SLC24A3: variants seen among roughly 807,000 people sequenced by gnomAD.
SLC24A3 encodes sodium/potassium/calcium exchanger 3.
In SLC24A3, 28 loss-of-function variants were observed where a neutral mutation model predicts 75.8. The observed-to-expected ratio is 0.37, with a 90% CI of 0.27 to 0.51. The LOEUF (loss-of-function observed/expected upper bound fraction) is 0.51, where lower values mean the gene tolerates loss of function less well. SLC24A3 is among the 20% of genes least tolerant of loss of function. The pLI, the probability that SLC24A3 is intolerant of heterozygous loss-of-function variation, is 0.94. For missense variants in SLC24A3, 663 were observed against 847.8 expected, an observed-to-expected ratio of 0.78 and a Z score of 2.71; for synonymous variants, 372 against 334.1, an observed-to-expected ratio of 1.11 and a Z score of -1.24.
intron 6 of SLC24A3, among the ~76,000 whole-genome samples, chr20:19,595,819 T>C (rs1034884596): frequency 1.3e-5 from 2 of 152,024 alleles, no homozygotes; most frequent in Non-Finnish European, 2.9e-5. Context: ...GTGGAGAAGG[T>C]GGAGGAACAG....
At chr20:19,343,881 C>T (rs541632590) in intron 2 of SLC24A3, among the ~76,000 whole-genome samples, 7 of 152,250 alleles carry the variant, frequency 4.6e-5, no homozygotes, top group South Asian at 2.1e-4. Context: ...AGGTGATATA[C>T]GCCTGGTGGA....
chr20:19,707,061 G>A (rs914168315), intron 15 of SLC24A3, among the ~76,000 whole-genome samples: 5 of 152,100 alleles, frequency 3.3e-5, no homozygotes, highest in Admixed American at 2.0e-4. Flanking sequence ...TTCTCATGAT[G>A]TGTCTCAAAG....
chr20:19,454,075 C>T (rs1987538068), intron 2 of SLC24A3, among the ~76,000 whole-genome samples: 1 of 152,196 alleles, frequency 6.6e-6, no homozygotes, highest in South Asian at 2.1e-4. Context: ...TCTCAGAGTT[C>T]AGGAGGCAGA....
chr20:19,613,566 T>C lies in SLC24A3; in HGVS notation c.612+28022T>C, dbSNP rs546424010. Among the ~76,000 whole-genome samples the C allele has an allele frequency of 5.3e-5, 8 of 152,360 alleles. No individual in the cohort carries two copies. The East Asian group carries it at 1.3e-3, about 26-fold the overall frequency. ...AAAATACATCTATTCCCCGTTTTAATCAAATAATCTCAGATCAATTCCTGG... is the reference window on the plus strand; with the variant it reads ...AAAATACATCTATTCCCCGTTTTAACCAAATAATCTCAGATCAATTCCTGG... On this transcript the variant is annotated intron_variant, in intron 6 of 16. Transcript: ENST00000328041.
intron 2 of SLC24A3, among the ~76,000 whole-genome samples, chr20:19,338,931 T>A (rs1038864124): frequency 6.6e-6 from 1 of 152,190 alleles, no homozygotes; most frequent in African/African-American, 2.4e-5. Flanking sequence ...TTACCTTTTT[T>A]TAAGGCTGGG....
At chr20:19,648,166 G>A (rs866735565) in intron 6 of SLC24A3, among the ~76,000 whole-genome samples, 1 of 152,158 alleles carries the variant, frequency 6.6e-6, no homozygotes, top group African/African-American at 2.4e-5. Flanking sequence ...CCCTGTGGGA[G>A]GAAAAACCCA....
intron 6 of SLC24A3, among the ~76,000 whole-genome samples, chr20:19,587,900 G>A (rs753891463): frequency 5.9e-5 from 9 of 152,120 alleles, no homozygotes; most frequent in African/African-American, 2.2e-4. Context: ...CTCAGAATAC[G>A]CATCCCTGGG....
chr20:19,511,359 G>A (rs866050987), intron 2 of SLC24A3, among the ~76,000 whole-genome samples: 102 of 145,574 alleles, frequency 7.0e-4, no homozygotes, highest in African/African-American at 2.5e-3. Flanking sequence ...ATGGAGTCTC[G>A]CTCTGTCACC....
chr20:19,666,783 A>G (rs2032404447), intron 8 of SLC24A3, among the ~76,000 whole-genome samples: 1 of 152,188 alleles, frequency 6.6e-6, no homozygotes, highest in Non-Finnish European at 1.5e-5. Context: ...CAGGAGTTCG[A>G]GAACAGAAAC....
chr20:19,382,806 G>A (rs188871785), intron 2 of SLC24A3, among the ~76,000 whole-genome samples: 2 of 152,290 alleles, frequency 1.3e-5, no homozygotes, highest in African/African-American at 4.8e-5. Context: ...CAAGCAGGAG[G>A]TTGTTTGGTT....
chr20:19,295,501 G>T (rs1984037152), intron 2 of SLC24A3, among the ~76,000 whole-genome samples: 1 of 152,120 alleles, frequency 6.6e-6, no homozygotes, highest in Non-Finnish European at 1.5e-5. Flanking sequence ...TGTCATAAAT[G>T]ACTCTTATTA....
At chr20:19,457,178 C>T (rs1388725102) in intron 2 of SLC24A3, among the ~76,000 whole-genome samples, 2 of 152,174 alleles carry the variant, frequency 1.3e-5, no homozygotes, top group African/African-American at 4.8e-5. Context: ...ATCCCAGATC[C>T]ATCAACTGTG....
intron 2 of SLC24A3, among the ~76,000 whole-genome samples, chr20:19,405,301 C>G (rs1487845875): frequency 1.3e-5 from 2 of 152,170 alleles, no homozygotes; most frequent in Non-Finnish European, 2.9e-5. Flanking sequence ...CATGTTGGTG[C>G]TTCTTCCAGC....
rs561341493 is a variant in SLC24A3 at position 19,414,669 on chromosome 20, T to G, written c.272-100819T>G. On this transcript the variant is annotated intron_variant, in intron 2 of 16. Coordinates refer to ENST00000328041, the MANE Select transcript of SLC24A3 (RefSeq NM_020689.4). Reference sequence around the variant, plus strand: ...ATTACAAGGAACTATTATTTTCTTTTTAAACATTTTTTTCTCCAGGTTTTC... The same window carrying G: ...ATTACAAGGAACTATTATTTTCTTTGTAAACATTTTTTTCTCCAGGTTTTC... Among the ~76,000 whole-genome samples, 3 of 152,328 alleles carry G rather than the reference T, an allele frequency of 2.0e-5. No homozygotes were observed. The South Asian group carries it at 6.2e-4, about 32-fold the overall frequency.
intron 2 of SLC24A3, among the ~76,000 whole-genome samples, chr20:19,487,647 T>C (rs1268751084): frequency 6.6e-6 from 1 of 152,186 alleles, no homozygotes; most frequent in African/African-American, 2.4e-5. Context: ...TACTAGATGA[T>C]ATCAAGAAAT....
intron 11 of SLC24A3, 104 bp downstream of exon 11, chr20:19,684,440 T>A: frequency 7.6e-7 from 1 of 1,308,062 alleles, no homozygotes; most frequent in Non-Finnish European, 1.0e-6. Flanking sequence ...ACTCAAAGTT[T>A]AACACCGCAG....
chr20:19,579,115 C>T (rs556153691), intron 3 of SLC24A3, among the ~76,000 whole-genome samples: 7 of 152,332 alleles, frequency 4.6e-5, no homozygotes, highest in East Asian at 1.9e-4. Flanking sequence ...TCAGCATCCA[C>T]TCCTGGAGAA....
At chr20:19,219,788 G>A (rs1421893289) in intron 1 of SLC24A3, among the ~76,000 whole-genome samples, 1 of 152,146 alleles carries the variant, frequency 6.6e-6, no homozygotes, top group Non-Finnish European at 1.5e-5. Context: ...TCAATATCAG[G>A]TTGGTAGATT....
intron 6 of SLC24A3, among the ~76,000 whole-genome samples, chr20:19,649,048 T>G (rs2032169804): frequency 6.6e-6 from 1 of 152,236 alleles, no homozygotes; most frequent in Non-Finnish European, 1.5e-5. Context: ...ATCTGGTCTC[T>G]TAGCCAGAGT....
Sources: gnomAD v4.1 joint callset for allele counts (sites outside exome capture counted in the v4.1 genomes callset) on GRCh38, gnomAD v4.1.1 for gene constraint, MANE v1.5 for transcripts, NCBI Gene and HGNC (gene_info 2026-07-23, HGNC 2026-07-21) for gene names.